OR6N1: variants seen among roughly 807,000 people sequenced by gnomAD.
OR6N1 encodes the protein olfactory receptor 6N1.
For missense variants in OR6N1, 394 were observed against 371.7 expected (o/e 1.06, Z -0.49); for synonymous variants, 170 against 150.7 (o/e 1.13, Z -0.94).
At chr1:158,812,793 G>A in the OR6N1 span, among the ~76,000 whole-genome samples, 6 of 152,134 alleles carry the variant, frequency 3.9e-5, no homozygotes, top group Admixed American at 2.0e-4. Flanking sequence ...TAGAAAAGGT[G>A]ATCTAAAGTA....
At chr1:158,775,868 A>T (rs554097958), upstream of OR6N1, 1 of 152,358 alleles carries the variant, frequency 6.6e-6, no homozygotes, top group East Asian at 1.9e-4. Flanking sequence ...TTTCATGGTT[A>T]GAAATTTTAA....
chr1:158,777,050 T>C (rs1038626724), upstream of OR6N1: 10 of 1,614,008 alleles, frequency 6.2e-6, no homozygotes, highest in Non-Finnish European at 8.5e-6. Context: ...TCCACCAGAA[T>C]GTTAGCAGAT....
At chr1:158,774,933 C>T (rs1396631433), upstream of OR6N1, 1 of 152,076 alleles carries the variant, frequency 6.6e-6, no homozygotes, top group Non-Finnish European at 1.5e-5. Flanking sequence ...TGTTAAAGGC[C>T]AAATATATTA....
At chr1:158,827,084 T>C in the OR6N1 span, among the ~76,000 whole-genome samples, 2 of 152,302 alleles carry the variant, frequency 1.3e-5, no homozygotes, top group South Asian at 2.1e-4. Flanking sequence ...TTAAGTTAAA[T>C]GATTTAAAAA....
upstream of OR6N1, chr1:158,777,060 T>C: frequency 1.2e-6 from 2 of 1,614,132 alleles, no homozygotes; most frequent in South Asian, 1.1e-5. Context: ...TGTTAGCAGA[T>C]GTGTCCTTGC....
chr1:158,785,493 G>A, the OR6N1 span, among the ~76,000 whole-genome samples: 2 of 151,164 alleles, frequency 1.3e-5, no homozygotes, highest in South Asian at 2.2e-4. Context: ...GAAAAGTTAC[G>A]CATCTACCTA....
the OR6N1 span, among the ~76,000 whole-genome samples, chr1:158,815,791 T>C: frequency 6.6e-6 from 1 of 152,206 alleles, no homozygotes; most frequent in Non-Finnish European, 1.5e-5. Context: ...ATTGGTGCCC[T>C]CAGTTTGCAG....
chr1:158,774,861 G>T (rs1252728502), upstream of OR6N1: 1 of 152,162 alleles, frequency 6.6e-6, no homozygotes, highest in African/African-American at 2.4e-5. Context: ...AGTACAAATA[G>T]GGAAGACCGA....
At chr1:158,838,322 C>G in the OR6N1 span, among the ~76,000 whole-genome samples, 1 of 151,930 alleles carries the variant, frequency 6.6e-6, no homozygotes, top group South Asian at 2.1e-4. Context: ...GTCTTAATTT[C>G]TCTCATTTAT....
At chr1:158,817,814 G>T in the OR6N1 span, among the ~76,000 whole-genome samples, 1 of 152,158 alleles carries the variant, frequency 6.6e-6, no homozygotes, top group Non-Finnish European at 1.5e-5. Flanking sequence ...CTGGATAATG[G>T]CATAACTTAA....
the OR6N1 span, among the ~76,000 whole-genome samples, chr1:158,823,797 G>T: frequency 2.6e-5 from 4 of 151,994 alleles, no homozygotes; most frequent in African/African-American, 9.7e-5. Flanking sequence ...CTTTAGTTTT[G>T]ATATTAAGTT....
chr1:158,800,913 T>TCTTCAGAGAAC, the OR6N1 span, among the ~76,000 whole-genome samples: 6 of 152,196 alleles, frequency 3.9e-5, no homozygotes, highest in African/African-American at 1.2e-4. Context: ...CCACGCTTGG[T>TCTTCAGAGAAC]CTTCAGAGAA....
chr1:158,797,785 C>T, the OR6N1 span, among the ~76,000 whole-genome samples: 3 of 152,128 alleles, frequency 2.0e-5, no homozygotes, highest in Non-Finnish European at 4.4e-5. Flanking sequence ...CACTGTTAGG[C>T]TATCTTTGTA....
the OR6N1 span, among the ~76,000 whole-genome samples, chr1:158,813,929 G>T: frequency 6.6e-6 from 1 of 151,720 alleles, no homozygotes; most frequent in South Asian, 2.1e-4. Flanking sequence ...CGAATTCCTG[G>T]GCTCAAGCAA....
the OR6N1 span, among the ~76,000 whole-genome samples, chr1:158,821,745 G>A: frequency 4.9e-3 from 743 of 152,208 alleles, 6 homozygotes; most frequent in African/African-American, 0.017. Flanking sequence ...CTATAATCAT[G>A]TCTGAAGGCT....
At chr1:158,833,985 CT>C in the OR6N1 span, among the ~76,000 whole-genome samples, 10 of 151,938 alleles carry the variant, frequency 6.6e-5, no homozygotes, top group Non-Finnish European at 1.3e-4. Context: ...CAAGGTTTCC[CT>C]TTTTTACTCA....
the OR6N1 span, among the ~76,000 whole-genome samples, chr1:158,801,205 T>A: frequency 1.3e-5 from 2 of 151,892 alleles, no homozygotes; most frequent in Admixed American, 1.3e-4. Context: ...TCTGTCTGTG[T>A]GTGTATGTGA....
the OR6N1 span, among the ~76,000 whole-genome samples, chr1:158,824,897 A>C: frequency 3.2e-4 from 48 of 152,234 alleles, no homozygotes; most frequent in Non-Finnish European, 5.1e-4. Context: ...CATTTTGGAC[A>C]TAGGACCTGA....
At chr1:158,788,756 T>G in the OR6N1 span, among the ~76,000 whole-genome samples, 1 of 152,210 alleles carries the variant, frequency 6.6e-6, no homozygotes, top group Admixed American at 6.5e-5. Flanking sequence ...ACACTAGGTC[T>G]TATTTATTGT....
Sources: gnomAD v4.1 joint callset for allele counts (sites outside exome capture counted in the v4.1 genomes callset) on GRCh38, gnomAD v4.1.1 for gene constraint, MANE v1.5 for transcripts, NCBI Gene and HGNC (gene_info 2026-07-23, HGNC 2026-07-21) for gene names.